The following AKT3 variants were observed in gnomAD, a reference collection of about 807,000 sequenced individuals.
AKT3 encodes the protein AKT serine/threonine kinase 3, also known as RAC-gamma serine/threonine-protein kinase.
Under a neutral mutation model 65.3 loss-of-function variants are expected in AKT3, and 15 were observed. The observed-to-expected ratio is 0.23, with a 90% CI of 0.15 to 0.35. The LOEUF is 0.35. Among genes scored for constraint, AKT3 ranks in the 10% least tolerant of loss-of-function variants. The pLI is 1.00. For missense variants in AKT3, 243 were observed against 576.5 expected, an observed-to-expected ratio of 0.42 and a Z score of 5.92; for synonymous variants, 206 against 183.8, an observed-to-expected ratio of 1.12 and a Z score of -0.98.
At chr1:243,660,462 CAT>C (rs1232538937) in intron 4 of AKT3, among the ~76,000 whole-genome samples, 2 of 152,174 alleles carry the variant, frequency 1.3e-5, no homozygotes, top group African/African-American at 2.4e-5. Flanking sequence ...AAAAAAACCA[CAT>C]GATTATCTCA....
chr1:243,557,141 A>G (rs1673463676), intron 10 of AKT3, among the ~76,000 whole-genome samples: 2 of 152,162 alleles, frequency 1.3e-5, no homozygotes, highest in African/African-American at 2.4e-5. Flanking sequence ...AATGGATACA[A>G]TAATGATGAT....
At chr1:243,658,864 C>CAAAAAAAA (rs58117921) in intron 4 of AKT3, among the ~76,000 whole-genome samples, 1 of 82,922 alleles carries the variant, frequency 1.2e-5, no homozygotes, top group Non-Finnish European at 2.4e-5. Flanking sequence ...CTTGTCTCTA[C>CAAAAAAAA]AAAAAAAAAA....
At chr1:243,832,484 A>G (rs1694601503) in intron 2 of AKT3, among the ~76,000 whole-genome samples, 1 of 152,222 alleles carries the variant, frequency 6.6e-6, no homozygotes, top group South Asian at 2.1e-4. Flanking sequence ...AGTAACTTGT[A>G]TCAGACTAAC....
chr1:243,595,028 T>C (rs534687066), intron 8 of AKT3, among the ~76,000 whole-genome samples: 10 of 152,340 alleles, frequency 6.6e-5, no homozygotes, highest in Admixed American at 6.5e-4. Context: ...TAAAAAGTTT[T>C]AGAAGAAAAT....
chr1:243,618,876 G>C (rs924168445), intron 6 of AKT3, among the ~76,000 whole-genome samples: 5 of 106,332 alleles, frequency 4.7e-5, no homozygotes, highest in South Asian at 2.7e-4. Context: ...GTGTAGGAGA[G>C]GGCAAACAAG....
intron 3 of AKT3, among the ~76,000 whole-genome samples, chr1:243,680,907 T>A (rs1295587243): frequency 6.6e-6 from 1 of 152,140 alleles, no homozygotes; most frequent in Non-Finnish European, 1.5e-5. Context: ...TAGTCAAGAA[T>A]GACAAGATCT....
At chr1:243,589,823 T>C (rs746922440) in intron 8 of AKT3, among the ~76,000 whole-genome samples, 6 of 152,138 alleles carry the variant, frequency 3.9e-5, no homozygotes, top group East Asian at 3.9e-4. Flanking sequence ...TCTATATATA[T>C]AGATTTCTTG....
chr1:243,583,557 G>A (rs79050399), intron 8 of AKT3, among the ~76,000 whole-genome samples: 1,845 of 35,918 alleles, frequency 0.051, 17 homozygotes, highest in Non-Finnish European at 0.11. Flanking sequence ...AAAAAAAAAA[G>A]AAAAAAAAAA....
intron 1 of AKT3, among the ~76,000 whole-genome samples, chr1:243,849,705 G>A (rs944583023): frequency 3.3e-5 from 5 of 151,764 alleles, no homozygotes; most frequent in Middle Eastern, 3.4e-3. Context: ...GCGCCGGGCC[G>A]GGGCAGCCCA....
chr1:243,771,697 A>G (rs1690196024), intron 2 of AKT3, among the ~76,000 whole-genome samples: 1 of 152,008 alleles, frequency 6.6e-6, no homozygotes, highest in Non-Finnish European at 1.5e-5. Context: ...ATACCACAAA[A>G]GGTTCAAGTA....
At chr1:243,703,760 C>CAAAAAAAAA (rs370671685) in intron 2 of AKT3, among the ~76,000 whole-genome samples, 4 of 78,394 alleles carry the variant, frequency 5.1e-5, no homozygotes, top group Middle Eastern at 6.6e-3. Context: ...GACTCCATCT[C>CAAAAAAAAA]AAAAAAAAAA....
intron 12 of AKT3, among the ~76,000 whole-genome samples, chr1:243,543,508 T>C (rs1428455076): frequency 2.0e-5 from 3 of 152,132 alleles, no homozygotes; most frequent in African/African-American, 7.2e-5. Flanking sequence ...GAAAGGATGA[T>C]ATTTAGTTGT....
At chr1:243,623,949 C>T (rs917116602) in intron 6 of AKT3, among the ~76,000 whole-genome samples, 2 of 152,176 alleles carry the variant, frequency 1.3e-5, no homozygotes, top group Non-Finnish European at 2.9e-5. Flanking sequence ...CTTGGTTTCT[C>T]CAGGATTTTG....
chr1:243,567,762 AAAT>A (rs1674273432), intron 9 of AKT3, among the ~76,000 whole-genome samples: 1 of 152,190 alleles, frequency 6.6e-6, no homozygotes, highest in African/African-American at 2.4e-5. Context: ...TTAGCTTAAA[AAAT>A]AATATCCCCA....
intron 1 of AKT3, 68 bp downstream of exon 1, chr1:243,849,972 G>C: frequency 2.1e-6 from 2 of 963,916 alleles, no homozygotes; most frequent in Non-Finnish European, 2.5e-6. Context: ...GGCGGACCGG[G>C]GCCCGGGGCC....
At chr1:243,589,342 G>GA (rs1271164150) in intron 8 of AKT3, among the ~76,000 whole-genome samples, 1 of 133,282 alleles carries the variant, frequency 7.5e-6, no homozygotes, top group Non-Finnish European at 1.6e-5. Flanking sequence ...AAAGAAAAAA[G>GA]AAAAAAAATC....
intron 8 of AKT3, among the ~76,000 whole-genome samples, chr1:243,611,033 A>T (rs1404805595): frequency 6.6e-6 from 1 of 152,200 alleles, no homozygotes; most frequent in Admixed American, 6.5e-5. Context: ...CTGTAGGATA[A>T]ATTCTTAGAA....
intron 4 of AKT3, among the ~76,000 whole-genome samples, chr1:243,664,206 TTTTTTTTTG>T (rs1682605361): frequency 7.5e-6 from 1 of 132,584 alleles, no homozygotes; most frequent in Admixed American, 7.5e-5. Context: ...TTTTTTTTTT[TTTTTTTTTG>T]AGACAGAGTC....
At chr1:243,713,366 A>C (rs768320573) in intron 2 of AKT3, among the ~76,000 whole-genome samples, 1 of 152,196 alleles carries the variant, frequency 6.6e-6, no homozygotes, top group Non-Finnish European at 1.5e-5. Flanking sequence ...TAAACTAATT[A>C]ACGAAATAAG....
Sources: allele counts gnomAD v4.1 joint callset (sites outside exome capture counted in the v4.1 genomes callset), GRCh38; gene constraint gnomAD v4.1.1; transcripts MANE v1.5; gene names NCBI Gene and HGNC (gene_info 2026-07-23, HGNC 2026-07-21).